SLC4A4: variants seen among roughly 807,000 people sequenced by gnomAD.
SLC4A4 encodes electrogenic sodium bicarbonate cotransporter 1.
A neutral mutation model predicts 111.5 loss-of-function variants in SLC4A4; 27 were observed. The observed-to-expected ratio is 0.24, with a 90% CI of 0.18 to 0.33. The LOEUF (loss-of-function observed/expected upper bound fraction) is 0.33. Among genes scored for constraint, SLC4A4 ranks in the 10% least tolerant of loss-of-function variants. The pLI is 1.00. For missense variants in SLC4A4, 909 were observed against 1,315.5 expected (o/e 0.69, Z 4.78); for synonymous variants, 443 against 463.4 (o/e 0.96, Z 0.57).
At chr4:71,267,791 C>CAAAAAAACAAAAAAAAAAAAA (rs1722380973) in intron 3 of SLC4A4, among the ~76,000 whole-genome samples, 1 of 62,360 alleles carries the variant, frequency 1.6e-5, no homozygotes, top group African/African-American at 8.7e-5. Flanking sequence ...GAGAGTCTGC[C>CAAAAAAACAAAAAAAAAAAAA]AAAAAAAAAA....
intron 16 of SLC4A4, among the ~76,000 whole-genome samples, chr4:71,499,210 T>G (rs919847564): frequency 8.5e-5 from 13 of 152,148 alleles, no homozygotes; most frequent in Admixed American, 5.9e-4. Flanking sequence ...TTAAGTATAG[T>G]AAGTAGAAAA....
rs147739462 is a variant in SLC4A4, at chr4:71,502,924, G to A, written c.2166+5232G>A. ...ATGATCTGTCCATTGTTGAAAATGG[G>A]GTATTGAAATTCACTATTATTGTAT... On this transcript the variant is annotated intron_variant, in intron 16 of 25. Coordinates refer to ENST00000264485, the MANE Select transcript of SLC4A4 (RefSeq NM_001098484.3). Among the ~76,000 whole-genome samples the A allele has an allele frequency of 1.5e-4, 23 of 152,124 alleles. No homozygotes were observed. In the East Asian group the frequency reaches 4.3e-3, roughly 28 times the overall value.
intron 7 of SLC4A4, among the ~76,000 whole-genome samples, chr4:71,416,573 C>A (rs1721844217): frequency 6.6e-6 from 1 of 152,062 alleles, no homozygotes; most frequent in African/African-American, 2.4e-5. Flanking sequence ...TCTTATTGGG[C>A]AAATGGAGAC....
At chr4:71,383,760 C>T (rs1718395182) in intron 6 of SLC4A4, among the ~76,000 whole-genome samples, 1 of 152,112 alleles carries the variant, frequency 6.6e-6, no homozygotes, top group South Asian at 2.1e-4. Flanking sequence ...CATTTTACTA[C>T]CTTTTCTTAT....
At chr4:71,141,854 T>C (rs1744006818) in intron 2 of SLC4A4, among the ~76,000 whole-genome samples, 1 of 152,248 alleles carries the variant, frequency 6.6e-6, no homozygotes, top group Non-Finnish European at 1.5e-5. Context: ...CTCTCAAGCT[T>C]GGCTTGAATC....
At chr4:71,323,989 A>G (rs1320082922) in intron 3 of SLC4A4, among the ~76,000 whole-genome samples, 2 of 151,914 alleles carry the variant, frequency 1.3e-5, no homozygotes, top group Non-Finnish European at 2.9e-5. Context: ...TACCCCTTCC[A>G]GGTGTTTTTT....
intron 7 of SLC4A4, among the ~76,000 whole-genome samples, chr4:71,406,776 G>A (rs538331041): frequency 6.6e-6 from 1 of 151,838 alleles, no homozygotes; most frequent in African/African-American, 2.4e-5. Context: ...CATATAAGAG[G>A]GTAGGAAGTA....
At chr4:71,503,880 C>A (rs1172257497) in intron 16 of SLC4A4, among the ~76,000 whole-genome samples, 1 of 152,118 alleles carries the variant, frequency 6.6e-6, no homozygotes. Flanking sequence ...AATGAATTCC[C>A]TCAGCTTTTG....
intron 3 of SLC4A4, among the ~76,000 whole-genome samples, chr4:71,335,461 G>A (rs1728355541): frequency 6.6e-6 from 1 of 152,078 alleles, no homozygotes; most frequent in African/African-American, 2.4e-5. Context: ...CCCATTTCAT[G>A]ATTGGAAAGG....
Position 71,555,768 on chromosome 4 carries a change from G to A in SLC4A4, c.2763+560G>A, listed in dbSNP as rs74561769. ...AAAATCATTATCAACTGGGCATGGT[G>A]GTGCACACTTTTAATCTCAGCTACT... is the stretch of plus-strand genomic sequence containing the variant. On this transcript the variant is annotated intron_variant, in intron 21 of 25. Transcript: ENST00000264485. 9.3e-3 allele frequency among the ~76,000 whole-genome samples: 1,415 copies of A among 151,992 alleles called. 22 individuals carry two copies. Among genetic ancestry groups the A allele is most frequent in the African/African-American group, 0.033 (1,365 of 41,514 alleles).
chr4:71,247,118 C>T lies in SLC4A4; in HGVS notation c.74-8102C>T, dbSNP rs377561123. Among the ~76,000 whole-genome samples the T allele has an allele frequency of 6.1e-3, 918 of 151,420 alleles. 10 individuals carry two copies. The highest frequency in any genetic ancestry group is 0.021 in the African/African-American group (877 of 41,324). ...TAGCCCTATGGTATTATCTACATCTCATTTACCTACATATGTGTATATGAA... is the reference window on the plus strand; with the variant it reads ...TAGCCCTATGGTATTATCTACATCTTATTTACCTACATATGTGTATATGAA... On this transcript the variant is annotated intron_variant, in intron 2 of 25. Transcript: ENST00000264485.
chr4:71,100,711 C>G (rs1742704169), intron 2 of SLC4A4, among the ~76,000 whole-genome samples: 1 of 152,142 alleles, frequency 6.6e-6, no homozygotes, highest in Non-Finnish European at 1.5e-5. Flanking sequence ...CAGTCTCACC[C>G]CAAAAGCTCC....
intron 18 of SLC4A4, among the ~76,000 whole-genome samples, chr4:71,536,483 T>TATATACATATATAA (rs1734489818): frequency 1.0e-5 from 1 of 97,700 alleles, no homozygotes; most frequent in African/African-American, 3.5e-5. Flanking sequence ...TATATATATA[T>TATATACATATATAA]ATATGTATAT....
chr4:71,067,324 C>T (rs1245543548), intron 1 of SLC4A4, among the ~76,000 whole-genome samples: 1 of 151,922 alleles, frequency 6.6e-6, no homozygotes, highest in Non-Finnish European at 1.5e-5. Context: ...TCTAAAACCA[C>T]AATTAACCAA....
intron 2 of SLC4A4, among the ~76,000 whole-genome samples, chr4:71,176,848 A>G (rs932406832): frequency 2.6e-5 from 4 of 152,130 alleles, no homozygotes; most frequent in Non-Finnish European, 4.4e-5. Context: ...GATACTCCTC[A>G]AGAAGAGCAA....
intron 1 of SLC4A4, among the ~76,000 whole-genome samples, chr4:71,069,909 A>T (rs898187714): frequency 3.9e-5 from 6 of 152,140 alleles, no homozygotes; most frequent in Admixed American, 1.3e-4. Context: ...AGTTGATATT[A>T]TGCTTTCCAA....
intron 1 of SLC4A4, among the ~76,000 whole-genome samples, chr4:71,232,973 G>A (rs1719541439): frequency 6.6e-6 from 1 of 152,258 alleles, no homozygotes; most frequent in Non-Finnish European, 1.5e-5. Context: ...CACTATTAAT[G>A]TACGTGCAGT....
intron 3 of SLC4A4, among the ~76,000 whole-genome samples, chr4:71,271,047 C>T (rs575244997): frequency 1.1e-4 from 16 of 152,252 alleles, no homozygotes; most frequent in African/African-American, 3.9e-4. Flanking sequence ...TGTGGGTGCC[C>T]ACCACTACAC....
chr4:71,316,891 A>G (rs1042945242), intron 3 of SLC4A4, among the ~76,000 whole-genome samples: 3 of 151,928 alleles, frequency 2.0e-5, no homozygotes, highest in Non-Finnish European at 4.4e-5. Flanking sequence ...ATCTCATTCT[A>G]TGAATTTTTT....
Sources: gnomAD v4.1 joint callset for allele counts (sites outside exome capture counted in the v4.1 genomes callset) on GRCh38, gnomAD v4.1.1 for gene constraint, MANE v1.5 for transcripts, NCBI Gene and HGNC (gene_info 2026-07-23, HGNC 2026-07-21) for gene names.